Variants in UBR3 observed in about 807,000 individuals in gnomAD.
UBR3 encodes ubiquitin protein ligase E3 component n-recognin 3.
In UBR3, 85 loss-of-function variants were observed where a neutral mutation model predicts 243.2. The ratio of observed to expected loss-of-function variants is 0.35; its 90% CI spans 0.29 to 0.42. The LOEUF is 0.42. Ranked by LOEUF, UBR3 falls within the 10% of genes least tolerant of loss-of-function variation. UBR3 has a pLI of 1.00. For synonymous variants in UBR3, 748 were observed against 799.8 expected, an observed-to-expected ratio of 0.94 and a Z score of 1.09; for missense variants, 1,686 against 2,300.8, an observed-to-expected ratio of 0.73 and a Z score of 5.47.
intron 10 of UBR3, among the ~76,000 whole-genome samples, chr2:169,909,673 T>C (rs2085172186): frequency 6.6e-6 from 1 of 152,118 alleles, no homozygotes; most frequent in Non-Finnish European, 1.5e-5. Flanking sequence ...CAAAAAATGA[T>C]AAATGTCTGA....
At chr2:169,916,429 C>CTT (rs1164804062) in intron 11 of UBR3, among the ~76,000 whole-genome samples, 1 of 152,116 alleles carries the variant, frequency 6.6e-6, no homozygotes, top group Non-Finnish European at 1.5e-5. Context: ...TGCTTTGACT[C>CTT]TGAGTCCTCA....
At position 170,083,489 on chromosome 2, in the gene UBR3, C is replaced by T. The variant is rs532594810; in HGVS notation, c.*1646C>T. ...TTAAATACTGTATCATAAGTTCAGC[C>T]TGTCATACTTTTTGCATTGATCGTT... On this transcript the variant is annotated 3_prime_UTR_variant, in exon 39 of 39. Coordinates refer to ENST00000272793, the MANE Select transcript of UBR3 (RefSeq NM_172070.4). 1 of 152,574 alleles carries T rather than the reference C, an allele frequency of 6.6e-6. No individual in the cohort carries two copies. 9.5% of individuals were successfully genotyped at this position (152,574 alleles called of 1,614,324 possible). A position where few individuals can be genotyped will look rare whatever the true frequency, so the allele number is the denominator to read the frequency against.
At chr2:170,079,173 T>A (rs781563370) in intron 36 of UBR3, among the ~76,000 whole-genome samples, 9 of 152,062 alleles carry the variant, frequency 5.9e-5, no homozygotes, top group Non-Finnish European at 1.2e-4. Context: ...TTTATACAGC[T>A]GCAAATAGTT....
At chr2:170,078,209 C>A in intron 36 of UBR3, 1 of 502,054 alleles carries the variant, frequency 2.0e-6, no homozygotes, top group East Asian at 4.9e-5. Context: ...AGCCTCTCAA[C>A]TTTCCTTCTT....
intron 35 of UBR3, among the ~76,000 whole-genome samples, chr2:170,065,548 T>C (rs1320531347): frequency 3.3e-5 from 5 of 152,134 alleles, no homozygotes; most frequent in Non-Finnish European, 7.4e-5. Context: ...CCCCCTCAGC[T>C]CCCAAAGTGC....
chr2:170,000,966 A>G (rs1395939424), intron 26 of UBR3, among the ~76,000 whole-genome samples: 1 of 152,356 alleles, frequency 6.6e-6, no homozygotes, highest in South Asian at 2.1e-4. Flanking sequence ...AGAGAGATTC[A>G]GTACCATACT....
chr2:169,831,216 C>G (rs533752626), intron 1 of UBR3, among the ~76,000 whole-genome samples: 2 of 143,236 alleles, frequency 1.4e-5, no homozygotes, highest in African/African-American at 5.2e-5. Context: ...TCTTGGCTCA[C>G]CGCAACCTCT....
At chr2:169,977,852 C>T (rs1439938139) in intron 24 of UBR3, among the ~76,000 whole-genome samples, 4 of 152,148 alleles carry the variant, frequency 2.6e-5, no homozygotes, top group Non-Finnish European at 4.4e-5. Context: ...TTCATTTTGT[C>T]GTGTCATATT....
intron 14 of UBR3, 88 bp from the exon 15 acceptor site, chr2:169,926,604 A>G: frequency 7.4e-7 from 1 of 1,359,154 alleles, no homozygotes; most frequent in African/African-American, 1.5e-5. Flanking sequence ...ACAAAAAACA[A>G]AAAACAAAAA....
In UBR3 at chr2:170,034,511, C is replaced by T. The variant is rs543481636; in HGVS notation, c.4556+5063C>T. ...ACAATGTCTTCTCATGGCTTGATAG[C>T]TCATTTCTATATAATAGAAATAACA... On this transcript the variant is annotated intron_variant, in intron 31 of 38. Transcript: ENST00000272793. Among the ~76,000 whole-genome samples the T allele has an allele frequency of 2.0e-5, 3 of 152,050 alleles. No individual in the cohort carries two copies. The East Asian group carries it at 5.8e-4, about 29-fold the overall frequency.
At chr2:169,844,582 C>T (rs1271198842) in intron 1 of UBR3, among the ~76,000 whole-genome samples, 1 of 151,136 alleles carries the variant, frequency 6.6e-6, no homozygotes, top group Non-Finnish European at 1.5e-5. Context: ...CAACCTCTGC[C>T]TCCTGGGTTC....
At chr2:170,023,154 T>A (rs1170892922) in intron 30 of UBR3, among the ~76,000 whole-genome samples, 2 of 151,418 alleles carry the variant, frequency 1.3e-5, no homozygotes, top group East Asian at 3.9e-4. Context: ...TTTTTTTTTT[T>A]AAGGGACAGG....
chr2:169,868,231 GCCTACTTC>G (rs1239459203), intron 1 of UBR3, among the ~76,000 whole-genome samples: 1 of 152,062 alleles, frequency 6.6e-6, no homozygotes. Flanking sequence ...GTAAACTCCC[GCCTACTTC>G]CCTTTATCTC....
chr2:170,067,771 T>A (rs1574475740), intron 35 of UBR3, among the ~76,000 whole-genome samples: 1 of 12,518 alleles, frequency 8.0e-5, no homozygotes, highest in East Asian at 1.0e-3. Flanking sequence ...AAGGAAATAA[T>A]TTTTTTTTTT....
In UBR3 at chr2:169,926,998, T is replaced by G. The variant is rs1295270316; in HGVS notation, c.2338+27T>G. 7 of 1,536,034 alleles carry G rather than the reference T, an allele frequency of 4.6e-6. 2 individuals are homozygous for G. The South Asian group carries it at 8.4e-5, about 18-fold the overall frequency. On this transcript the variant is annotated intron_variant, in intron 16 of 38. Coordinates refer to ENST00000272793, the MANE Select transcript of UBR3 (RefSeq NM_172070.4). ...TAAAACTCACTGATACTAATACTTA[T>G]GCATTAACTGTTTTCCTCCCTTTCT...
chr2:170,080,167 GAA>G, intron 37 of UBR3, 144 bp downstream of exon 37: 1 of 800,662 alleles, frequency 1.2e-6, no homozygotes, highest in Non-Finnish European at 1.9e-6. Flanking sequence ...TAATCCAGTA[GAA>G]GAGTAAAAAA....
intron 30 of UBR3, among the ~76,000 whole-genome samples, chr2:170,026,085 G>C (rs10179728): frequency 0.72 from 109,729 of 151,534 alleles, 40,400 homozygotes; most frequent in East Asian, 0.88. Flanking sequence ...ATAAAGGATG[G>C]CTTTTCCTTT....
intron 32 of UBR3, among the ~76,000 whole-genome samples, chr2:170,048,325 T>C (rs947271353): frequency 6.6e-6 from 1 of 152,176 alleles, no homozygotes; most frequent in Non-Finnish European, 1.5e-5. Flanking sequence ...GTGAGGGTTT[T>C]TGTGTCTTCT....
intron 35 of UBR3, among the ~76,000 whole-genome samples, chr2:170,063,388 A>C (rs1447129637): frequency 6.6e-6 from 1 of 152,140 alleles, no homozygotes; most frequent in Non-Finnish European, 1.5e-5. Flanking sequence ...GTTCAACTGA[A>C]GTGAGAAAAG....
Sources: gnomAD v4.1 joint callset for allele counts (sites outside exome capture counted in the v4.1 genomes callset) on GRCh38, gnomAD v4.1.1 for gene constraint, MANE v1.5 for transcripts, NCBI Gene and HGNC (gene_info 2026-07-23, HGNC 2026-07-21) for gene names.